The following NCKAP5 variants were observed in gnomAD, a reference collection of about 807,000 sequenced individuals.
NCKAP5 encodes nck-associated protein 5.
NCKAP5 carries 92 observed loss-of-function variants against 167.0 expected under a neutral mutation model. The ratio of observed to expected loss-of-function variants is 0.55; its 90% CI spans 0.47 to 0.66. The LOEUF (loss-of-function observed/expected upper bound fraction) is 0.66. NCKAP5 is among the 30% of genes least tolerant of loss of function. The pLI, the probability that NCKAP5 is intolerant of heterozygous loss-of-function variation, is 0.00. For missense variants in NCKAP5, 2,378 were observed against 2,315.0 expected, an observed-to-expected ratio of 1.03 and a Z score of -0.56; for synonymous variants, 891 against 877.4, an observed-to-expected ratio of 1.02 and a Z score of -0.27.
intron 8 of NCKAP5, among the ~76,000 whole-genome samples, chr2:132,935,728 A>G (rs1319347257): frequency 6.6e-6 from 1 of 152,114 alleles, no homozygotes. Flanking sequence ...GGTTGTTACC[A>G]TCATCTGGGC....
chr2:132,993,542 C>A lies in NCKAP5; in HGVS notation c.429+610G>T, dbSNP rs923133997. ...TTGTTGCCTGAGATGCAAGGCCAGA[C>A]CCAGGAGGACTGCATACACCCCAGA... On this transcript the variant is annotated intron_variant, in intron 7 of 19. Transcript: ENST00000409261. Among the ~76,000 whole-genome samples, 39 of 152,172 alleles carry A rather than the reference C, an allele frequency of 2.6e-4. 1 individual carries two copies. The highest frequency in any genetic ancestry group is 1.0e-4 in the Non-Finnish European group (7 of 68,030).
intron 3 of NCKAP5, among the ~76,000 whole-genome samples, chr2:133,440,979 C>T (rs1267023108): frequency 1.3e-5 from 2 of 152,042 alleles, no homozygotes; most frequent in Non-Finnish European, 2.9e-5. Context: ...TCTTTTAAAA[C>T]TCTTAATCTA....
At chr2:133,200,803 T>C (rs2085652624) in intron 5 of NCKAP5, among the ~76,000 whole-genome samples, 1 of 152,070 alleles carries the variant, frequency 6.6e-6, no homozygotes, top group Admixed American at 6.6e-5. Context: ...ACAGCCCAAA[T>C]ATCTGTCAAA....
At chr2:132,997,432 T>C (rs1301792085) in intron 6 of NCKAP5, among the ~76,000 whole-genome samples, 19 of 152,206 alleles carry the variant, frequency 1.2e-4, no homozygotes. Flanking sequence ...TTATTAATAA[T>C]AACTCAATCT....
chr2:133,097,336 G>A (rs903138317), intron 6 of NCKAP5, among the ~76,000 whole-genome samples: 1 of 152,144 alleles, frequency 6.6e-6, no homozygotes, highest in Admixed American at 6.5e-5. Flanking sequence ...TTGTCATTAT[G>A]GAAGCTTTAC....
chr2:132,788,066 TAGG>T (rs1476397545), intron 13 of NCKAP5, among the ~76,000 whole-genome samples: 3 of 152,136 alleles, frequency 2.0e-5, no homozygotes, highest in African/African-American at 7.2e-5. Context: ...CAGTCCTCTA[TAGG>T]AGGTTATAGT....
chr2:133,350,787 C>T (rs1011791599), intron 3 of NCKAP5, among the ~76,000 whole-genome samples: 2 of 152,090 alleles, frequency 1.3e-5, no homozygotes, highest in African/African-American at 4.8e-5. Context: ...CCTTTTAGTC[C>T]TCAGGATGGG....
intron 18 of NCKAP5, among the ~76,000 whole-genome samples, chr2:132,726,514 T>C (rs924201759): frequency 2.6e-5 from 4 of 152,216 alleles, no homozygotes; most frequent in Admixed American, 6.5e-5. Flanking sequence ...CTCCTATGTG[T>C]TGAATCGAGG....
chr2:133,596,617 C>G, the NCKAP5 span, among the ~76,000 whole-genome samples: 2 of 152,058 alleles, frequency 1.3e-5, no homozygotes, highest in Admixed American at 1.3e-4. Flanking sequence ...CATGAATGAG[C>G]GAACAGAATG....
chr2:132,928,899 C>G (rs1356291134), intron 8 of NCKAP5, among the ~76,000 whole-genome samples: 1 of 151,994 alleles, frequency 6.6e-6, no homozygotes, highest in Non-Finnish European at 1.5e-5. Flanking sequence ...GGCAGGAGAA[C>G]AGCTGGAGGC....
chr2:133,449,900 G>A (rs544369759), intron 3 of NCKAP5, among the ~76,000 whole-genome samples: 6 of 151,604 alleles, frequency 4.0e-5, no homozygotes, highest in Non-Finnish European at 5.9e-5. Context: ...AATTTTTGTG[G>A]GTTGAAGTGC....
chr2:133,541,794 A>G (rs920127025), intron 2 of NCKAP5, among the ~76,000 whole-genome samples: 4 of 151,962 alleles, frequency 2.6e-5, no homozygotes, highest in African/African-American at 9.7e-5. Flanking sequence ...TTTAAGTGTC[A>G]GATCTTTCAC....
chr2:133,291,848 T>C (rs1242318174), intron 4 of NCKAP5, among the ~76,000 whole-genome samples: 1 of 152,244 alleles, frequency 6.6e-6, no homozygotes, highest in Non-Finnish European at 1.5e-5. Flanking sequence ...TATTCCTGAT[T>C]CTTTGATTCA....
chr2:133,332,186 A>G (rs1309209209), intron 3 of NCKAP5, among the ~76,000 whole-genome samples: 1 of 152,168 alleles, frequency 6.6e-6, no homozygotes, highest in Admixed American at 6.5e-5. Flanking sequence ...CCTTGACAAA[A>G]TGGGCCCAAT....
intron 8 of NCKAP5, among the ~76,000 whole-genome samples, chr2:132,925,293 G>T (rs946282888): frequency 1.4e-4 from 22 of 151,884 alleles, no homozygotes; most frequent in African/African-American, 5.1e-4. Context: ...GGTGGCTCAC[G>T]CCTGTAATCC....
chr2:133,082,376 C>T (rs887009563), intron 6 of NCKAP5, among the ~76,000 whole-genome samples: 1 of 152,104 alleles, frequency 6.6e-6, no homozygotes. Context: ...CAATACAAAA[C>T]TAAAACAAGG....
intron 3 of NCKAP5, among the ~76,000 whole-genome samples, chr2:133,320,552 C>A (rs1681964955): frequency 6.6e-6 from 1 of 152,098 alleles, no homozygotes; most frequent in South Asian, 2.1e-4. Flanking sequence ...CATGGTGAAA[C>A]CCCGTCTCTA....
chr2:132,815,727 G>A lies in NCKAP5; in HGVS notation c.808-18998C>T, dbSNP rs187754418. Among the ~76,000 whole-genome samples the A allele has an allele frequency of 5.3e-5, 8 of 152,208 alleles. No homozygotes were observed. In the East Asian group the frequency reaches 1.5e-3, roughly 29 times the overall value. ...GTTGAGTCACAGAAGACGTCACCAAGCCCAGTGCATCATCAAGCTCTACAT... is the reference window on the plus strand; with the variant it reads ...GTTGAGTCACAGAAGACGTCACCAAACCCAGTGCATCATCAAGCTCTACAT... On this transcript the variant is annotated intron_variant, in intron 11 of 19. Transcript: ENST00000409261.
chr2:132,919,219 G>C (rs1229430900), intron 8 of NCKAP5, among the ~76,000 whole-genome samples: 2 of 152,206 alleles, frequency 1.3e-5, no homozygotes, highest in Non-Finnish European at 1.5e-5. Context: ...CTGGGGGATG[G>C]AGAAGGGAAA....
Sources: allele counts gnomAD v4.1 joint callset (sites outside exome capture counted in the v4.1 genomes callset), GRCh38; gene constraint gnomAD v4.1.1; transcripts MANE v1.5; gene names NCBI Gene and HGNC (gene_info 2026-07-23, HGNC 2026-07-21).